Variants in EHMT1 observed in about 807,000 individuals in gnomAD.
The protein encoded by EHMT1 is histone-lysine N-methyltransferase EHMT1.
In EHMT1, 15 loss-of-function variants were observed where a neutral mutation model predicts 147.2. The ratio of observed to expected loss-of-function variants is 0.10; its 90% CI spans 0.07 to 0.16. EHMT1 has a LOEUF of 0.16. EHMT1 is among the 10% of genes least tolerant of loss of function. The pLI, the probability that EHMT1 is intolerant of heterozygous loss-of-function variation, is 1.00. For synonymous variants in EHMT1, 795 were observed against 709.6 expected (o/e 1.12, Z -1.91); for missense variants, 1,587 against 1,772.4 (o/e 0.90, Z 1.88).
At chr9:137,661,651 A>C (rs561986684) in intron 1 of EHMT1, among the ~76,000 whole-genome samples, 8 of 147,794 alleles carry the variant, frequency 5.4e-5, no homozygotes. Flanking sequence ...ATGCCTGGCT[A>C]ATTTTTGTAT....
chr9:137,799,091 G>A (rs927935327), intron 17 of EHMT1, among the ~76,000 whole-genome samples, 177 bp downstream of exon 17: 20 of 150,672 alleles, frequency 1.3e-4, no homozygotes, highest in Non-Finnish European at 2.4e-4. Flanking sequence ...CCTCCACAGC[G>A]TCCCATCCCA....
At chr9:137,635,235 C>T (rs1029723163) in intron 1 of EHMT1, among the ~76,000 whole-genome samples, 4 of 151,722 alleles carry the variant, frequency 2.6e-5, no homozygotes, top group Non-Finnish European at 5.9e-5. Flanking sequence ...GAGACAGAGT[C>T]TTGCACTGTC....
chr9:137,748,763 C>T (rs1948749440), intron 6 of EHMT1, among the ~76,000 whole-genome samples: 2 of 152,208 alleles, frequency 1.3e-5, no homozygotes, highest in African/African-American at 2.4e-5. Flanking sequence ...AGTGCCTATT[C>T]ACATCCCAAA....
chr9:137,757,447 CT>C (rs1276345122), intron 8 of EHMT1, among the ~76,000 whole-genome samples: 1 of 152,264 alleles, frequency 6.6e-6, no homozygotes. Context: ...CTTGGGCCAT[CT>C]CTTTAGCTAC....
chr9:137,803,845 A>C (rs1468976427), intron 18 of EHMT1, among the ~76,000 whole-genome samples: 1 of 151,964 alleles, frequency 6.6e-6, no homozygotes, highest in Non-Finnish European at 1.5e-5. Flanking sequence ...ATTAAAAAAA[A>C]AAAAAAAAAC....
rs556147053 is a variant in EHMT1, at chr9:137,635,952, T to C, written c.21+16903T>C. Among the ~76,000 whole-genome samples, 22 of 152,016 alleles carry C rather than the reference T, an allele frequency of 1.4e-4. No homozygotes were observed. The East Asian group carries it at 3.7e-3, about 25-fold the overall frequency. ...TTTTTTTTTTTGAGATGGGGAGTCTTGCTCTGTCGCCCAGGCTAGAGTGCA... is the reference window on the plus strand; with the variant it reads ...TTTTTTTTTTTGAGATGGGGAGTCTCGCTCTGTCGCCCAGGCTAGAGTGCA... On this transcript the variant is annotated intron_variant, in intron 1 of 26. Coordinates refer to ENST00000460843, the MANE Select transcript of EHMT1 (RefSeq NM_024757.5).
In EHMT1 at chr9:137,777,912, C is replaced by T; in HGVS notation, c.2049C>T (p.Asp683=). Residue 683 remains aspartate (D), a synonymous_variant, in exon 13 of 27, where the codon GAC becomes GAT. Transcript: ENST00000460843. ...CCGGGCCACCACTCTCGGAGGACGA[C>T]AAGCTGCAGGGTGCAGCCTCCCACG... The part of the protein sequence containing the change: ...SAAGPPLSED[D]KLQGAASHVP... 1.2e-6 allele frequency: 2 copies of T among 1,613,720 alleles called. No homozygotes were observed. Among genetic ancestry groups the T allele is most frequent in the South Asian group, 1.1e-5 (1 of 91,066 alleles).
chr9:137,651,511 C>T (rs951437116), intron 1 of EHMT1, among the ~76,000 whole-genome samples: 1 of 152,090 alleles, frequency 6.6e-6, no homozygotes, highest in African/African-American at 2.4e-5. Flanking sequence ...TGGCCAGGTG[C>T]GGTGGCTCAC....
At chr9:137,670,965 C>T (rs997585300) in intron 1 of EHMT1, among the ~76,000 whole-genome samples, 6 of 152,192 alleles carry the variant, frequency 3.9e-5, no homozygotes, top group Admixed American at 3.3e-4. Context: ...CTTGGCTTGG[C>T]TTTGTCATCG....
chr9:137,817,198 G>A (rs903357861), intron 23 of EHMT1: 5 of 588,410 alleles, frequency 8.5e-6, no homozygotes, highest in African/African-American at 7.4e-5. Context: ...ACCGAGCCAC[G>A]GCCAGGACCA....
chr9:137,739,591 C>T (rs1228764596), intron 4 of EHMT1, among the ~76,000 whole-genome samples: 1 of 151,822 alleles, frequency 6.6e-6, no homozygotes, highest in Admixed American at 6.6e-5. Context: ...TGGGTAGAAG[C>T]TGCAGGTCCC....
intron 1 of EHMT1, among the ~76,000 whole-genome samples, chr9:137,692,225 G>C (rs1942994506): frequency 6.6e-6 from 1 of 151,758 alleles, no homozygotes; most frequent in South Asian, 2.1e-4. Context: ...GTCGTCACTA[G>C]ATGGTGTTTT....
At chr9:137,686,981 G>A (rs1220875876) in intron 1 of EHMT1, among the ~76,000 whole-genome samples, 4 of 151,956 alleles carry the variant, frequency 2.6e-5, no homozygotes, top group Admixed American at 6.6e-5. Context: ...CACCCGCCTC[G>A]GCCTCCCAAA....
At chr9:137,771,238 C>CA (rs1491563509) in intron 10 of EHMT1, among the ~76,000 whole-genome samples, 1 of 128,764 alleles carries the variant, frequency 7.8e-6, no homozygotes, top group Non-Finnish European at 1.5e-5. Context: ...CTTGCTCTGT[C>CA]ACACAGGCTG....
intron 3 of EHMT1, 23 bp downstream of exon 3, chr9:137,717,205 TG>T: frequency 1.2e-6 from 2 of 1,609,686 alleles, no homozygotes; most frequent in Non-Finnish European, 1.7e-6. Context: ...CTTCTCTTGC[TG>T]TTTCCTTTTT....
intron 1 of EHMT1, among the ~76,000 whole-genome samples, chr9:137,664,066 G>T (rs1207185189): frequency 2.0e-5 from 3 of 152,076 alleles, no homozygotes; most frequent in Non-Finnish European, 4.4e-5. Flanking sequence ...CAACCAAGAG[G>T]TATGTACTTT....
Position 137,787,742 on chromosome 9 carries a change from A to G in EHMT1, c.2383-3106A>G. The stretch of plus-strand genomic sequence containing the variant: ...CCAGGGTGCCACCGAAACATCGTAG[A>G]TGCTTTTGTTGGGTGACACACCCTG... On this transcript the variant is annotated intron_variant, in intron 15 of 26. Transcript: ENST00000460843. This position sits in a 1 kb window ranked among gnomAD's most constrained non-coding sequence, Gnocchi z 4.2. The G allele has an allele frequency of 1.3e-6, 1 of 772,046 alleles. No homozygotes were observed. Among genetic ancestry groups the G allele is most frequent in the South Asian group, 1.5e-5 (1 of 67,324 alleles). 47.8% of individuals were successfully genotyped at this position (772,046 alleles called of 1,614,324 possible). A position where few individuals can be genotyped will look rare whatever the true frequency, so the allele number is the denominator to read the frequency against.
At chr9:137,759,247 C>T (rs1036447080) in intron 9 of EHMT1, among the ~76,000 whole-genome samples, 1 of 152,256 alleles carries the variant, frequency 6.6e-6, no homozygotes, top group Admixed American at 6.5e-5. Context: ...AGAACCCCCT[C>T]AAGCATCACG....
In EHMT1 at chr9:137,782,184, T is replaced by C. The variant is rs746480933; in HGVS notation, c.2276-107T>C. 2.1e-5 allele frequency: 23 copies of C among 1,090,880 alleles called. No individual in the cohort carries two copies. Among genetic ancestry groups the C allele is most frequent in the Non-Finnish European group, 3.0e-5 (22 of 736,052 alleles). 67.6% of individuals were successfully genotyped at this position (1,090,880 alleles called of 1,614,324 possible). On this transcript the variant is annotated intron_variant, in intron 14 of 26. Transcript: ENST00000460843. The surrounding 1 kb of genome is among the most constrained non-coding windows in gnomAD (Gnocchi z 5.7). The stretch of plus-strand genomic sequence containing the variant: ...TCCGGCGTGGCTCGAGGTGGCTGTT[T>C]ATGTGGAGGATGGTCATTTGTGAGT...
Sources: allele counts gnomAD v4.1 joint callset (sites outside exome capture counted in the v4.1 genomes callset), GRCh38; gene constraint gnomAD v4.1.1; non-coding constraint Gnocchi (gnomAD v3.1); transcripts MANE v1.5; gene names NCBI Gene and HGNC (gene_info 2026-07-23, HGNC 2026-07-21).